Variants in LPP observed in about 807,000 individuals in gnomAD.
LPP encodes the protein lipoma-preferred partner.
A neutral mutation model predicts 60.4 loss-of-function variants in LPP; 38 were observed. The observed-to-expected ratio is 0.63, with a 90% CI of 0.49 to 0.83. LPP has a LOEUF of 0.83. Among genes scored for constraint, LPP ranks in the 40% least tolerant of loss-of-function variants. The pLI is 0.00. For synonymous variants in LPP, 328 were observed against 290.8 expected (o/e 1.13, Z -1.30); for missense variants, 902 against 783.6 (o/e 1.15, Z -1.80).
intron 9 of LPP, among the ~76,000 whole-genome samples, chr3:188,837,053 ACT>A (rs1323523294): frequency 1.3e-5 from 2 of 152,062 alleles, no homozygotes; most frequent in African/African-American, 4.8e-5. Flanking sequence ...ATGTAGCATT[ACT>A]CTGTTTTGTG....
rs572651684 is a variant in LPP, at chr3:188,565,930, A to G, written c.429+41143A>G. Among the ~76,000 whole-genome samples the G allele has an allele frequency of 8.6e-5, 13 of 152,044 alleles. No individual in the cohort carries two copies. In the South Asian group the frequency reaches 1.9e-3, roughly 22 times the overall value. ...TGTGCACCTCTTCTCTATTTACCGT[A>G]AAGAGAGGTGTGGGTAGGAGATTGC... On this transcript the variant is annotated intron_variant, in intron 6 of 11. Coordinates refer to ENST00000617246, the MANE Select transcript of LPP (RefSeq NM_001375462.1).
chr3:188,472,266 T>A (rs1802035500), intron 4 of LPP, among the ~76,000 whole-genome samples: 1 of 152,174 alleles, frequency 6.6e-6, no homozygotes, highest in Non-Finnish European at 1.5e-5. Flanking sequence ...TAAAACTGTT[T>A]AAGACTTAAA....
chr3:188,746,195 C>G (rs530872438), intron 8 of LPP, among the ~76,000 whole-genome samples: 1 of 152,272 alleles, frequency 6.6e-6, no homozygotes, highest in East Asian at 1.9e-4. Flanking sequence ...CTGTCAGCTT[C>G]CTAATATGTA....
intron 2 of LPP, among the ~76,000 whole-genome samples, chr3:188,234,689 A>C (rs73057690): frequency 0.017 from 2,635 of 152,290 alleles, 72 homozygotes; most frequent in African/African-American, 0.058. Flanking sequence ...TAGAATAAGA[A>C]GTTCTAGAAG....
At chr3:188,475,378 T>G (rs1802882886) in intron 4 of LPP, among the ~76,000 whole-genome samples, 1 of 152,240 alleles carries the variant, frequency 6.6e-6, no homozygotes. Flanking sequence ...ACGCTGGGTT[T>G]GAGTAGATTC....
intron 9 of LPP, among the ~76,000 whole-genome samples, chr3:188,845,530 CTG>C (rs1761179223): frequency 6.6e-6 from 1 of 152,174 alleles, no homozygotes; most frequent in African/African-American, 2.4e-5. Flanking sequence ...TTTCAGGTCA[CTG>C]TGTAGATTGC....
chr3:188,413,854 T>C (rs1002656451), intron 4 of LPP, among the ~76,000 whole-genome samples: 3 of 152,194 alleles, frequency 2.0e-5, no homozygotes, highest in African/African-American at 7.2e-5. Context: ...TTCTAATCCA[T>C]ATCCTCTTTA....
intron 9 of LPP, among the ~76,000 whole-genome samples, chr3:188,760,491 A>G (rs1731948885): frequency 6.6e-6 from 1 of 151,606 alleles, no homozygotes; most frequent in Admixed American, 6.6e-5. Flanking sequence ...TCCCCCATTC[A>G]TAAGCAGTCA....
intron 2 of LPP, among the ~76,000 whole-genome samples, chr3:188,241,556 A>T (rs1724837894): frequency 1.3e-5 from 2 of 152,260 alleles, no homozygotes; most frequent in East Asian, 1.9e-4. Flanking sequence ...TTGTATCTGT[A>T]ACTGATGTAC....
Position 188,883,117 on chromosome 3 carries a change from G to A in LPP, c.*8638G>A. On this transcript the variant is annotated 3_prime_UTR_variant, in exon 12 of 12. Transcript: ENST00000617246. ...CTTTAAAACAGAGCCAGCCTTTGGG[G>A]CATATGTTCTCTTTGGTGCCACACA... 4.6e-6 allele frequency: 1 copy of A among 218,090 alleles called. No homozygotes were observed. Among genetic ancestry groups the A allele is most frequent in the Non-Finnish European group, 9.2e-6 (1 of 108,448 alleles). The allele number at this position is 218,090 out of a possible 1,614,324, so 13.5% of individuals were successfully genotyped here.
intron 8 of LPP, among the ~76,000 whole-genome samples, chr3:188,753,939 A>C (rs573622681): frequency 6.6e-6 from 1 of 152,296 alleles, no homozygotes; most frequent in African/African-American, 2.4e-5. Context: ...TGTGTCCTAC[A>C]GTCCAGCTTT....
intron 1 of LPP, among the ~76,000 whole-genome samples, chr3:188,157,958 G>A (rs1577033562): frequency 6.6e-6 from 1 of 152,334 alleles, no homozygotes; most frequent in Admixed American, 6.5e-5. Context: ...CAGCCATGAA[G>A]AGGACCATGG....
At position 188,610,683 on chromosome 3, in the gene LPP, G is replaced by T. The variant is rs9852611; in HGVS notation, c.1113+839G>T. ...GTTACTTCGTCTGAATAGGTAAGGT[G>T]TAATACTACACATGCCCACTCACCA... On this transcript the variant is annotated intron_variant, in intron 7 of 11. Transcript: ENST00000617246. The surrounding 1 kb of genome is among the most constrained non-coding windows in gnomAD (Gnocchi z 4.4). 6.6e-6 allele frequency among the ~76,000 whole-genome samples: 1 copy of T among 151,982 alleles called. No individual in the cohort carries two copies. Among genetic ancestry groups the T allele is most frequent in the African/African-American group, 2.4e-5 (1 of 41,354 alleles).
At chr3:188,698,604 G>A (rs1303334612) in intron 7 of LPP, among the ~76,000 whole-genome samples, 2 of 151,902 alleles carry the variant, frequency 1.3e-5, no homozygotes, top group South Asian at 2.1e-4. Flanking sequence ...GATTCTCCTC[G>A]ACTCTGAGGA....
intron 5 of LPP, among the ~76,000 whole-genome samples, chr3:188,517,708 C>T (rs148724737): frequency 2.6e-5 from 4 of 152,164 alleles, no homozygotes; most frequent in Non-Finnish European, 5.9e-5. Flanking sequence ...GCAGAAACCC[C>T]TGATAAAACC....
chr3:188,422,912 TTTG>T (rs879321991), intron 4 of LPP, among the ~76,000 whole-genome samples: 1,885 of 135,624 alleles, frequency 0.014, 29 homozygotes, highest in South Asian at 0.029. Context: ...TGGTGTCTTC[TTTG>T]TGTGTGTGTG....
chr3:188,811,456 A>G (rs1396098704), intron 9 of LPP, among the ~76,000 whole-genome samples: 1 of 152,080 alleles, frequency 6.6e-6, no homozygotes, highest in African/African-American at 2.4e-5. Context: ...ATTGGAGAAG[A>G]CATCATTTGA....
At chr3:188,626,212 A>C (rs1026489295) in intron 7 of LPP, among the ~76,000 whole-genome samples, 2 of 152,180 alleles carry the variant, frequency 1.3e-5, no homozygotes, top group African/African-American at 4.8e-5. Flanking sequence ...TGCCAATGGA[A>C]AGTGTTTGTA....
chr3:188,822,533 G>A (rs1417750198), intron 9 of LPP, among the ~76,000 whole-genome samples: 2 of 152,276 alleles, frequency 1.3e-5, no homozygotes, highest in African/African-American at 4.8e-5. Flanking sequence ...GGAAGTATAC[G>A]ATTAAGTTCC....
Sources: allele counts gnomAD v4.1 joint callset (sites outside exome capture counted in the v4.1 genomes callset), GRCh38; gene constraint gnomAD v4.1.1; non-coding constraint Gnocchi (gnomAD v3.1); transcripts MANE v1.5; gene names NCBI Gene and HGNC (gene_info 2026-07-23, HGNC 2026-07-21).